Variants in NBAS observed in about 807,000 individuals in gnomAD.
The protein encoded by NBAS is NBAS subunit of NRZ tethering complex, also known as NAG/BC035112 fusion.
A neutral mutation model predicts 302.5 loss-of-function variants in NBAS; 219 were observed. The ratio of observed to expected loss-of-function variants is 0.72; its 90% confidence interval spans 0.65 to 0.81. The LOEUF is 0.81. Ranked by LOEUF, NBAS falls within the 30% of genes least tolerant of loss-of-function variation. The pLI, the probability that NBAS is intolerant of heterozygous loss-of-function variation, is 0.00. For missense variants in NBAS, 2,932 were observed against 2,841.6 expected, an observed-to-expected ratio of 1.03 and a Z score of -0.72; for synonymous variants, 1,118 against 1,021.6, an observed-to-expected ratio of 1.09 and a Z score of -1.80.
At chr2:14,787,011 T>G in the NBAS span, among the ~76,000 whole-genome samples, 1 of 152,230 alleles carries the variant, frequency 6.6e-6, no homozygotes, top group African/African-American at 2.4e-5. Flanking sequence ...TGCTCCCGTA[T>G]TGGGTGCATA....
intron 31 of NBAS, among the ~76,000 whole-genome samples, chr2:15,368,454 T>A (rs1674328891): frequency 6.6e-6 from 1 of 152,222 alleles, no homozygotes; most frequent in Non-Finnish European, 1.5e-5. Flanking sequence ...CTCCTCGACC[T>A]CCCAAACTGC....
chr2:15,441,825 A>T (rs995833739), intron 21 of NBAS, among the ~76,000 whole-genome samples: 1 of 152,034 alleles, frequency 6.6e-6, no homozygotes, highest in Non-Finnish European at 1.5e-5. Context: ...TACCAAGCAA[A>T]TGGAAAACAA....
chr2:15,051,789 T>C, the NBAS span, among the ~76,000 whole-genome samples: 34 of 152,214 alleles, frequency 2.2e-4, no homozygotes, highest in Non-Finnish European at 4.1e-4. Flanking sequence ...AAGTCAGTGA[T>C]TGATAGATGG....
the NBAS span, among the ~76,000 whole-genome samples, chr2:15,053,182 G>T: frequency 6.6e-6 from 1 of 152,142 alleles, no homozygotes; most frequent in African/African-American, 2.4e-5. Flanking sequence ...AGATATTAAA[G>T]AAGAAGGTAC....
chr2:15,251,941 T>C (rs1173223222), intron 44 of NBAS, among the ~76,000 whole-genome samples: 1 of 152,114 alleles, frequency 6.6e-6, no homozygotes, highest in Non-Finnish European at 1.5e-5. Context: ...CAAATGCCGC[T>C]GACACAAGTA....
chr2:15,327,303 T>C (rs1051824345), intron 38 of NBAS, among the ~76,000 whole-genome samples: 1 of 152,164 alleles, frequency 6.6e-6, no homozygotes, highest in Non-Finnish European at 1.5e-5. Context: ...AAAAAAGGTA[T>C]AAATTGTAAG....
At chr2:15,062,592 A>C in the NBAS span, among the ~76,000 whole-genome samples, 94 of 152,324 alleles carry the variant, frequency 6.2e-4, 1 homozygote, top group East Asian at 7.9e-3. Flanking sequence ...AGCATATTAG[A>C]GCAATTAATG....
chr2:15,353,431 T>C (rs1673462459), intron 34 of NBAS, 122 bp downstream of exon 34: 2 of 1,201,580 alleles, frequency 1.7e-6, no homozygotes, highest in Non-Finnish European at 1.2e-6. Flanking sequence ...AGTGACAATC[T>C]AGTTTTCTTC....
chr2:15,306,885 T>C (rs1457383518), intron 40 of NBAS, among the ~76,000 whole-genome samples: 1 of 152,212 alleles, frequency 6.6e-6, no homozygotes, highest in Non-Finnish European at 1.5e-5. Flanking sequence ...GAAAAGAATT[T>C]TGTCACATTG....
the NBAS span, among the ~76,000 whole-genome samples, chr2:14,926,515 T>C: frequency 2.0e-5 from 3 of 152,144 alleles, no homozygotes; most frequent in Non-Finnish European, 4.4e-5. Context: ...AAAATGCTTA[T>C]AATAGTTCCT....
At position 15,442,482 on chromosome 2, in the gene NBAS, C is replaced by G. The variant is rs558751971; in HGVS notation, c.2340-14688G>C. Among the ~76,000 whole-genome samples, 874 of 152,078 alleles carry G rather than the reference C, an allele frequency of 5.7e-3. 6 individuals are homozygous for G. Among genetic ancestry groups the G allele is most frequent in the Admixed American group, 0.011 (173 of 15,248 alleles). ...GAACAAAGACACAACATACCAGAAT[C>G]TCTGGGACACATTCAAAGCAGTGTG... On this transcript the variant is annotated intron_variant, in intron 21 of 51. Coordinates refer to ENST00000281513, the MANE Select transcript of NBAS (RefSeq NM_015909.4).
At chr2:15,544,929 T>C (rs923250198) in intron 6 of NBAS, among the ~76,000 whole-genome samples, 2 of 152,046 alleles carry the variant, frequency 1.3e-5, no homozygotes, top group African/African-American at 4.8e-5. Context: ...GAGAACTGCT[T>C]GAACCCAGGA....
rs373077408 is a variant in NBAS at position 15,292,731 on chromosome 2, C to G, written c.4833G>C (p.Arg1611Ser). The G allele has an allele frequency of 8.5e-5, 137 of 1,614,046 alleles. No homozygotes were observed. Among genetic ancestry groups the G allele is most frequent in the Non-Finnish European group, 1.1e-4 (124 of 1,180,050 alleles). The change falls in exon 41 of 52, where the codon AGG (arginine) becomes AGC (serine). Residue 1611 changes from arginine to serine, a missense_variant. Transcript: ENST00000281513. ...CTTCGTGCTCATGTCGAGTCACATG[C>G]CTGGTGACCATCTTGATTAGTTCTT... ...DPKELIKMVT[R>S]HVTRHEHEAW...
At chr2:15,500,502 TCACACACACACACACACA>T (rs72095633) in intron 11 of NBAS, among the ~76,000 whole-genome samples, 8 of 136,234 alleles carry the variant, frequency 5.9e-5, no homozygotes, top group East Asian at 2.3e-4. Context: ...TTTAGAAGTC[TCACACACACACACACACA>T]CACACACACA....
chr2:15,383,285 G>A lies in NBAS; in HGVS notation c.3290C>T (p.Thr1097Met), dbSNP rs192467161. ...CATAGTTAACATGTCTTGCAGCAAC[G>A]TTCTCCAATGAGACTCACTGACAGG... ...QPPVSESHWR[T>M]LLQDMLTMQQ... Residue 1097 changes from threonine (T) to methionine (M), a missense_variant, in exon 29 of 52, where the codon ACG becomes ATG. By Grantham distance (81) the Thr-to-Met change is moderately conservative (BLOSUM62 -1). Coordinates refer to ENST00000281513, the MANE Select transcript of NBAS (RefSeq NM_015909.4). 308 of 1,613,948 alleles carry A rather than the reference G, an allele frequency of 1.9e-4. 4 individuals carry two copies. In the East Asian group the frequency reaches 6.6e-3, roughly 35 times the overall value.
At chr2:15,164,244 G>A (rs769360918), downstream of NBAS, among the ~76,000 whole-genome samples, 2 of 152,208 alleles carry the variant, frequency 1.3e-5, no homozygotes, top group Non-Finnish European at 2.9e-5. Flanking sequence ...AGGGAAATGG[G>A]AAATAGAGCA....
chr2:15,090,346 T>G, the NBAS span, among the ~76,000 whole-genome samples: 1 of 152,206 alleles, frequency 6.6e-6, no homozygotes, highest in Admixed American at 6.5e-5. Flanking sequence ...TGGCTTTCAT[T>G]GATGTAAAAT....
chr2:14,955,713 G>T, the NBAS span, among the ~76,000 whole-genome samples: 1 of 152,152 alleles, frequency 6.6e-6, no homozygotes, highest in Admixed American at 6.5e-5. Flanking sequence ...GCTGTACCTT[G>T]GCTCCTTTTA....
intron 44 of NBAS, among the ~76,000 whole-genome samples, chr2:15,254,701 C>G (rs1668513207): frequency 6.6e-6 from 1 of 152,154 alleles, no homozygotes; most frequent in Non-Finnish European, 1.5e-5. Context: ...TCCCCTCCAC[C>G]CTTCCCCACC....
Sources: allele counts gnomAD v4.1 joint callset (sites outside exome capture counted in the v4.1 genomes callset), GRCh38; gene constraint gnomAD v4.1.1; transcripts MANE v1.5; gene names NCBI Gene and HGNC (gene_info 2026-07-23, HGNC 2026-07-21).